Variants in C4orf36 observed in about 807,000 individuals in gnomAD.
C4orf36 encodes chromosome 4 open reading frame 36.
A neutral mutation model predicts 12.2 loss-of-function variants in C4orf36; 11 were observed. The ratio of observed to expected loss-of-function variants is 0.90; its 90% CI spans 0.57 to 1.49. C4orf36 has a LOEUF of 1.49. Among genes scored for constraint, C4orf36 ranks in the 40% most tolerant of loss-of-function variants. C4orf36 has a pLI of 0.00. For synonymous variants in C4orf36, 54 were observed against 51.3 expected (o/e 1.05, Z -0.22); for missense variants, 137 against 133.9 (o/e 1.02, Z -0.11).
intron 4 of C4orf36, among the ~76,000 whole-genome samples, chr4:86,885,904 G>A (rs1470493568): frequency 3.9e-5 from 6 of 152,076 alleles, no homozygotes; most frequent in Admixed American, 1.3e-4. Flanking sequence ...AGTTTTTAGC[G>A]TGAAGGGCTG....
At chr4:86,921,643 T>C in the C4orf36 span, among the ~76,000 whole-genome samples, 4 of 152,224 alleles carry the variant, frequency 2.6e-5, no homozygotes, top group Admixed American at 1.3e-4. Context: ...TTAAAATTTT[T>C]TAATTTTAAT....
intron 4 of C4orf36, among the ~76,000 whole-genome samples, chr4:86,878,657 G>T (rs1746978207): frequency 6.6e-6 from 1 of 152,192 alleles, no homozygotes; most frequent in South Asian, 2.1e-4. Flanking sequence ...TTTTTCCTCA[G>T]GAGTGAAAGA....
At chr4:86,916,609 C>A in the C4orf36 span, among the ~76,000 whole-genome samples, 1 of 152,160 alleles carries the variant, frequency 6.6e-6, no homozygotes, top group Non-Finnish European at 1.5e-5. Flanking sequence ...TGTCTGGTAG[C>A]AGGCTGATTA....
chr4:86,893,530 G>A (rs1380004246), upstream of C4orf36, among the ~76,000 whole-genome samples: 2 of 151,410 alleles, frequency 1.3e-5, no homozygotes, highest in Non-Finnish European at 2.9e-5. Context: ...AGGTTGCAGT[G>A]AGCCGAGATG....
At position 86,876,407 on chromosome 4, in the gene C4orf36, G is replaced by A. The variant is rs915840506; in HGVS notation, c.*39C>T. 4 of 1,611,700 alleles carry A rather than the reference G, an allele frequency of 2.5e-6. No homozygotes were observed. The highest frequency in any genetic ancestry group is 1.3e-5 in the African/African-American group (1 of 74,870). On this transcript the variant is annotated 3_prime_UTR_variant, in exon 5 of 5. Transcript: ENST00000295898. ...CCCAGGAGAAGCAGTTCCCGCCGGC[G>A]CTGCTGAGTTTCTTCATCTACAATC...
chr4:86,900,233 A>T, the C4orf36 span, among the ~76,000 whole-genome samples: 1 of 152,032 alleles, frequency 6.6e-6, no homozygotes, highest in Non-Finnish European at 1.5e-5. Flanking sequence ...GGGTTTCACC[A>T]TGTTGGCCAG....
chr4:86,922,990 G>T, the C4orf36 span, among the ~76,000 whole-genome samples: 1 of 142,744 alleles, frequency 7.0e-6, no homozygotes, highest in African/African-American at 2.6e-5. Flanking sequence ...TTGCTAAGTT[G>T]CCCAGGATGG....
intron 4 of C4orf36, among the ~76,000 whole-genome samples, chr4:86,882,452 T>C (rs569526569): frequency 2.0e-5 from 3 of 152,290 alleles, no homozygotes; most frequent in Non-Finnish European, 2.9e-5. Context: ...CAGGGCTCAG[T>C]TGGCATGACA....
chr4:86,922,135 T>C, the C4orf36 span, among the ~76,000 whole-genome samples: 1 of 152,214 alleles, frequency 6.6e-6, no homozygotes, highest in African/African-American at 2.4e-5. Context: ...AATGCTAGAA[T>C]GCATTTATTT....
At chr4:86,913,202 AGCT>A in the C4orf36 span, 1 of 465,522 alleles carries the variant, frequency 2.1e-6, no homozygotes, top group East Asian at 5.0e-5. Context: ...GCCACAGCAC[AGCT>A]GTGATCTTCC....
chr4:86,927,860 C>T, the C4orf36 span, among the ~76,000 whole-genome samples: 8 of 152,190 alleles, frequency 5.3e-5, no homozygotes, highest in East Asian at 1.5e-3. Context: ...TACTGAATTC[C>T]CTTTGCAATT....
At chr4:86,925,661 T>A in the C4orf36 span, 1 of 152,164 alleles carries the variant, frequency 6.6e-6, no homozygotes, top group Non-Finnish European at 1.5e-5. Flanking sequence ...ATCAATATGA[T>A]CCTTGTTCCT....
chr4:86,899,372 TAGAA>T, the C4orf36 span, among the ~76,000 whole-genome samples: 6 of 152,154 alleles, frequency 3.9e-5, no homozygotes, highest in African/African-American at 7.2e-5. Flanking sequence ...CCAAGAGTTG[TAGAA>T]AGAAAGACAA....
At chr4:86,889,179 G>A (rs1359016235) in intron 2 of C4orf36, among the ~76,000 whole-genome samples, 1 of 151,868 alleles carries the variant, frequency 6.6e-6, no homozygotes, top group Non-Finnish European at 1.5e-5. Flanking sequence ...GTGAAATCCC[G>A]TCTCTACTAA....
At chr4:86,909,342 C>T in the C4orf36 span, among the ~76,000 whole-genome samples, 69 of 152,220 alleles carry the variant, frequency 4.5e-4, no homozygotes, top group African/African-American at 1.5e-3. Context: ...GGTCCCAAGC[C>T]GTTTGCAACT....
chr4:86,933,560 A>G, the C4orf36 span: 1 of 152,254 alleles, frequency 6.6e-6, no homozygotes, highest in African/African-American at 2.4e-5. Flanking sequence ...ATGACACAAA[A>G]AGAACACAAA....
chr4:86,919,305 T>C, the C4orf36 span, among the ~76,000 whole-genome samples: 1 of 110,426 alleles, frequency 9.1e-6, no homozygotes, highest in African/African-American at 3.0e-5. Flanking sequence ...TCCATTCTGC[T>C]TTTTTCCCCC....
upstream of C4orf36, among the ~76,000 whole-genome samples, chr4:86,894,716 A>G (rs1747551819): frequency 1.3e-5 from 2 of 152,204 alleles, no homozygotes; most frequent in African/African-American, 4.8e-5. Context: ...ATAAGGTCAT[A>G]AAAGGTATTG....
chr4:86,913,409 A>G, the C4orf36 span: 4 of 749,970 alleles, frequency 5.3e-6, no homozygotes, highest in African/African-American at 3.4e-5. Context: ...AGCATCTCCA[A>G]CACCGTGTTG....
Sources: allele counts gnomAD v4.1 joint callset (sites outside exome capture counted in the v4.1 genomes callset), GRCh38; gene constraint gnomAD v4.1.1; transcripts MANE v1.5; gene names NCBI Gene and HGNC (gene_info 2026-07-23, HGNC 2026-07-21).